SLC26A5: variants seen among roughly 807,000 people sequenced by gnomAD.
The protein encoded by SLC26A5 is prestin.
SLC26A5 carries 51 observed loss-of-function variants against 81.0 expected under a neutral mutation model. The ratio of observed to expected loss-of-function variants is 0.63; its 90% CI spans 0.50 to 0.80. The LOEUF is 0.80. Ranked by LOEUF, SLC26A5 falls within the 30% of genes least tolerant of loss-of-function variation. The probability of loss-of-function intolerance (pLI) is 0.00; values close to 1 mark genes in which losing one functional copy is unlikely to be tolerated. For synonymous variants in SLC26A5, 325 were observed against 332.8 expected, an observed-to-expected ratio of 0.98 and a Z score of 0.25; for missense variants, 771 against 905.8, an observed-to-expected ratio of 0.85 and a Z score of 1.91.
At chr7:103,404,269 C>T (rs1823847743) in intron 8 of SLC26A5, among the ~76,000 whole-genome samples, 1 of 152,040 alleles carries the variant, frequency 6.6e-6, no homozygotes, top group Admixed American at 6.6e-5. Flanking sequence ...GATGCAGTTT[C>T]TTCACAGTAT....
intron 19 of SLC26A5, among the ~76,000 whole-genome samples, chr7:103,359,138 C>CTTTTTTT (rs35936603): frequency 4.5e-4 from 14 of 31,330 alleles, no homozygotes; most frequent in East Asian, 1.5e-3. Context: ...CCATGTCTGG[C>CTTTTTTT]TTTTTTTTTT....
chr7:103,355,220 A>C (rs1819962228), intron 19 of SLC26A5, among the ~76,000 whole-genome samples: 1 of 152,222 alleles, frequency 6.6e-6, no homozygotes, highest in East Asian at 1.9e-4. Context: ...AGTAAACTTC[A>C]GTTAACAAGT....
intron 19 of SLC26A5, among the ~76,000 whole-genome samples, chr7:103,359,138 C>CTTTTTTTT (rs35936603): frequency 9.6e-5 from 3 of 31,334 alleles, no homozygotes; most frequent in Admixed American, 6.6e-4. Context: ...CCATGTCTGG[C>CTTTTTTTT]TTTTTTTTTT....
chr7:103,435,772 C>T (rs1826406905), intron 2 of SLC26A5, among the ~76,000 whole-genome samples: 1 of 152,196 alleles, frequency 6.6e-6, no homozygotes, highest in South Asian at 2.1e-4. Flanking sequence ...CCTTTTTGTA[C>T]AAATTCTTGG....
At chr7:103,404,114 C>T (rs1019046799) in intron 8 of SLC26A5, among the ~76,000 whole-genome samples, 2 of 151,886 alleles carry the variant, frequency 1.3e-5, no homozygotes, top group African/African-American at 4.8e-5. Flanking sequence ...ACCCGGGAAG[C>T]GGAAGTTGCA....
chr7:103,400,486 G>A (rs1237768474), intron 8 of SLC26A5, among the ~76,000 whole-genome samples: 1 of 152,166 alleles, frequency 6.6e-6, no homozygotes, highest in East Asian at 1.9e-4. Context: ...CAGATGGACA[G>A]ATTGCAAAAA....
At chr7:103,362,701 A>G (rs749655633) in intron 19 of SLC26A5, 1 of 1,605,552 alleles carries the variant, frequency 6.2e-7, no homozygotes, top group Admixed American at 1.7e-5. Context: ...ATAGAAATAA[A>G]TATCAAATTC....
intron 10 of SLC26A5, 119 bp from the exon 11 acceptor site, chr7:103,391,854 G>A (rs1221209448): frequency 2.5e-6 from 2 of 808,510 alleles, no homozygotes; most frequent in Admixed American, 2.0e-5. Context: ...TTTCCTTTCA[G>A]ATGTAAGAAT....
At position 103,389,396 on chromosome 7, in the gene SLC26A5, T is replaced by G. The variant is rs749141441; in HGVS notation, c.1340A>C (p.Asn447Thr). 5.0e-6 allele frequency: 8 copies of G among 1,613,924 alleles called. No homozygotes were observed. The highest frequency in any genetic ancestry group is 6.8e-6 in the Non-Finnish European group (8 of 1,179,982). ...QAVLSAIVIV[N>T]LKGMFMQFSD... ...GAACTGCATAAACATTCCCTTCAGG[T>G]TGACAATCACAATGGCCGACAGCAC... Residue 447 changes from asparagine (N) to threonine (T), a missense_variant, in exon 13 of 20, where the codon AAC becomes ACC. Physicochemically the swap from Asn to Thr is moderately conservative, Grantham distance 65. Coordinates refer to ENST00000306312, the MANE Select transcript of SLC26A5 (RefSeq NM_198999.3).
At chr7:103,413,927 C>T (rs145261294) in intron 4 of SLC26A5, among the ~76,000 whole-genome samples, 113 of 151,894 alleles carry the variant, frequency 7.4e-4, no homozygotes, top group African/African-American at 2.6e-3. Context: ...CCACTATCAA[C>T]ATCCCCCACC....
chr7:103,387,961 CAAG>C (rs1563527006), intron 14 of SLC26A5, among the ~76,000 whole-genome samples: 1 of 152,066 alleles, frequency 6.6e-6, no homozygotes, highest in Non-Finnish European at 1.5e-5. Flanking sequence ...GGATTCCAGA[CAAG>C]AGTCACTGTG....
At position 103,413,128 on chromosome 7, in the gene SLC26A5, C is replaced by A; in HGVS notation, c.293-16G>T. The A allele has an allele frequency of 1.9e-6, 3 of 1,544,690 alleles. No homozygotes were observed. The highest frequency in any genetic ancestry group is 1.4e-5 in the African/African-American group (1 of 73,612). ...AAGGCTAAGCCTGTGGGATTAAAAA[C>A]CAAACAGAAATGGGGGATCATTAGA... On this transcript the variant is annotated splice_polypyrimidine_tract_variant and intron_variant, in intron 4 of 19. Coordinates refer to ENST00000306312, the MANE Select transcript of SLC26A5 (RefSeq NM_198999.3).
Position 103,374,514 on chromosome 7 carries a change from T to C in SLC26A5, c.2120A>G (p.His707Arg). 1.2e-6 allele frequency: 2 copies of C among 1,614,044 alleles called. No homozygotes were observed. Among genetic ancestry groups the C allele is most frequent in the Non-Finnish European group, 1.7e-6 (2 of 1,180,030 alleles). Reference protein sequence around the residue: ...ALWELLFHSIHDAVLGSQLRE... With the variant: ...ALWELLFHSIRDAVLGSQLRE... Reference sequence around the variant, plus strand: ...AAGTTGGCTGCCTAAAACTGCATCATGAATGCTGTGGAACAGCAGCTCCCA... The same window carrying C: ...AAGTTGGCTGCCTAAAACTGCATCACGAATGCTGTGGAACAGCAGCTCCCA... Residue 707 changes from histidine (H) to arginine (R), a missense_variant, in exon 20 of 20, where the codon CAT (histidine) becomes CGT (arginine). Coordinates refer to ENST00000306312, the MANE Select transcript of SLC26A5 (RefSeq NM_198999.3).
chr7:103,362,041 T>G, intron 19 of SLC26A5: 1 of 1,613,740 alleles, frequency 6.2e-7, no homozygotes, highest in Non-Finnish European at 8.5e-7. Flanking sequence ...TGGTGGACCT[T>G]AGTGATCAGG....
chr7:103,414,491 T>A (rs1824759520), intron 4 of SLC26A5, among the ~76,000 whole-genome samples: 1 of 152,202 alleles, frequency 6.6e-6, no homozygotes, highest in African/African-American at 2.4e-5. Flanking sequence ...TGGCCTTTTT[T>A]AGAATGTCAT....
chr7:103,399,359 G>A (rs769898841), intron 8 of SLC26A5, among the ~76,000 whole-genome samples: 21 of 152,178 alleles, frequency 1.4e-4, no homozygotes, highest in Non-Finnish European at 2.1e-4. Context: ...GGAACTCTGT[G>A]CCTAGCCCCA....
At chr7:103,395,448 G>A (rs1823011361) in intron 9 of SLC26A5, among the ~76,000 whole-genome samples, 2 of 139,878 alleles carry the variant, frequency 1.4e-5, no homozygotes, top group Non-Finnish European at 3.0e-5. Flanking sequence ...AAATTATAGT[G>A]ACAAGTAGAT....
intron 14 of SLC26A5, among the ~76,000 whole-genome samples, chr7:103,385,687 T>A (rs1822132672): frequency 1.3e-5 from 2 of 150,470 alleles, no homozygotes; most frequent in African/African-American, 5.0e-5. Context: ...AGCTTTTATT[T>A]TTTTCTTTTC....
chr7:103,390,394 G>A (rs1354880426), intron 12 of SLC26A5, 35 bp downstream of exon 12: 1 of 1,570,894 alleles, frequency 6.4e-7, no homozygotes, highest in Non-Finnish European at 8.8e-7. Flanking sequence ...CTCTACACAT[G>A]AAAAAAACTT....
Sources: gnomAD v4.1 joint callset for allele counts (sites outside exome capture counted in the v4.1 genomes callset) on GRCh38, gnomAD v4.1.1 for gene constraint, MANE v1.5 for transcripts, NCBI Gene and HGNC (gene_info 2026-07-23, HGNC 2026-07-21) for gene names.